MDGA1: variants seen among roughly 807,000 people sequenced by gnomAD.
MDGA1 encodes the protein MAM domain containing glycosylphosphatidylinositol anchor 1, also known as MAM domain-containing glycosylphosphatidylinositol anchor protein 1.
Under a neutral mutation model 101.5 loss-of-function variants are expected in MDGA1, and 54 were observed. The ratio of observed to expected loss-of-function variants is 0.53; its 90% CI spans 0.43 to 0.67. The LOEUF is 0.67. Ranked by LOEUF, MDGA1 falls within the 30% of genes least tolerant of loss-of-function variation. The pLI is 0.00. For missense variants in MDGA1, 1,083 were observed against 1,323.8 expected, an observed-to-expected ratio of 0.82 and a Z score of 2.82; for synonymous variants, 533 against 558.3, an observed-to-expected ratio of 0.95 and a Z score of 0.64.
chr6:37,642,882 G>A (rs1340491992), intron 14 of MDGA1, among the ~76,000 whole-genome samples: 2 of 152,216 alleles, frequency 1.3e-5, no homozygotes, highest in Non-Finnish European at 2.9e-5. Context: ...CTGATACCTG[G>A]AACTGAGCAG....
At chr6:37,647,761 G>A (rs1215072847) in intron 9 of MDGA1, among the ~76,000 whole-genome samples, 2 of 152,072 alleles carry the variant, frequency 1.3e-5, no homozygotes, top group African/African-American at 4.8e-5. Flanking sequence ...GGGAAAGTGT[G>A]GGAGAACAGG....
At position 37,646,272 on chromosome 6, in the gene MDGA1, T is replaced by C. The variant is rs758796375; in HGVS notation, c.2150A>G (p.Tyr717Cys). The C allele has an allele frequency of 1.2e-6, 2 of 1,606,336 alleles. No individual in the cohort carries two copies. The highest frequency in any genetic ancestry group is 1.7e-6 in the Non-Finnish European group (2 of 1,176,040). ...GGTATAGGGTGTGAGGCGGACCTCA[T>C]AGCTGTGGGGCACACGGAGATCGGT... ...ILTDLRVPHSYEVRLTPYTTF... is the reference protein window; with the variant it reads ...ILTDLRVPHSCEVRLTPYTTF... The change falls in exon 11 of 17, where the codon TAT (tyrosine) becomes TGT (cysteine). Residue 717 changes from tyrosine to cysteine, a missense_variant. Tyr to Cys is a radical substitution (Grantham distance 194). Coordinates refer to ENST00000434837, the MANE Select transcript of MDGA1 (RefSeq NM_153487.4).
At chr6:37,677,675 C>T (rs1261293297) in intron 1 of MDGA1, among the ~76,000 whole-genome samples, 1 of 151,932 alleles carries the variant, frequency 6.6e-6, no homozygotes, top group Admixed American at 6.6e-5. Context: ...CATTGGGCTT[C>T]TTTTTTTTCT....
chr6:37,646,294 C>T lies in MDGA1; in HGVS notation c.2128G>A (p.Asp710Asn), dbSNP rs781655737. The change falls in exon 11 of 17, where the codon GAT becomes AAT. Residue 710 changes from aspartate (D) to asparagine (N), a missense_variant. By Grantham distance (23) the Asp-to-Asn change is conservative (BLOSUM62 1). This residue lies in a region of MDGA1 where 657 missense variants were observed against 771.4 expected (regional missense o/e 0.85). Transcript: ENST00000434837. Reference sequence around the variant, plus strand: ...TCATAGCTGTGGGGCACACGGAGATCGGTCAGGATGTACTCCAGCAGCTGC... The same window carrying T: ...TCATAGCTGTGGGGCACACGGAGATTGGTCAGGATGTACTCCAGCAGCTGC... ...KGQLLEYILT[D>N]LRVPHSYEVR... is the part of the protein sequence containing the mutation. 39 of 1,601,014 alleles carry T rather than the reference C, an allele frequency of 2.4e-5. No individual in the cohort carries two copies. The East Asian group carries it at 6.5e-4, about 27-fold the overall frequency.
chr6:37,689,056 C>G (rs1762255729), intron 1 of MDGA1, among the ~76,000 whole-genome samples: 1 of 152,142 alleles, frequency 6.6e-6, no homozygotes, highest in Admixed American at 6.5e-5. Flanking sequence ...GTTTGAGGAG[C>G]CCCACTCTGT....
chr6:37,643,144 G>A (rs1764130951), intron 14 of MDGA1: 2 of 152,316 alleles, frequency 1.3e-5, no homozygotes, highest in African/African-American at 4.8e-5. Flanking sequence ...TCTGGTGGCT[G>A]TGAGGGTTAA....
chr6:37,662,254 G>T (rs1350884575), intron 2 of MDGA1, among the ~76,000 whole-genome samples: 17 of 151,874 alleles, frequency 1.1e-4, no homozygotes, highest in African/African-American at 3.9e-4. Flanking sequence ...CGACAGGACT[G>T]ATAGGCTGAC....
intron 14 of MDGA1, 96 bp downstream of exon 14, chr6:37,643,713 G>A (rs1764147287): frequency 1.3e-6 from 2 of 1,523,792 alleles, no homozygotes. Context: ...GGAAGCTGAG[G>A]CCTCACATGG....
chr6:37,681,018 G>T (rs546790164), intron 1 of MDGA1, among the ~76,000 whole-genome samples: 1 of 151,690 alleles, frequency 6.6e-6, no homozygotes, highest in African/African-American at 2.4e-5. Flanking sequence ...CAGGAAACCT[G>T]GGCAGGACCA....
intron 1 of MDGA1, among the ~76,000 whole-genome samples, chr6:37,678,472 CAT>C (rs1206783410): frequency 2.0e-5 from 3 of 152,124 alleles, no homozygotes; most frequent in Admixed American, 2.0e-4. Flanking sequence ...CAGAGGATCT[CAT>C]CTCTCCTCTG....
At chr6:37,667,969 C>A (rs1761790491) in intron 1 of MDGA1, among the ~76,000 whole-genome samples, 1 of 152,110 alleles carries the variant, frequency 6.6e-6, no homozygotes, top group African/African-American at 2.4e-5. Flanking sequence ...TATCCAGCTC[C>A]TGGCCAGGTG....
At position 37,649,062 on chromosome 6, in the gene MDGA1, A is replaced by T; in HGVS notation, c.1814T>A (p.Val605Glu). Residue 605 changes from valine to glutamate, a missense_variant, in exon 9 of 17, where the codon GTA becomes GAA. Val to Glu is a moderately radical substitution (Grantham distance 121). Around this residue, in one of 3 missense-constraint regions of MDGA1, gnomAD observed 657 missense variants for 771.4 expected, o/e 0.85. Transcript: ENST00000434837. ...PDHAELRLDAVTRDSSGSYEC... is the reference protein window; with the variant it reads ...PDHAELRLDAETRDSSGSYEC... ...GTAGCTGCCGCTGCTGTCGCGAGTT[A>T]CGGCGTCGAGGCGCAGCTCCGCGTG... The T allele has an allele frequency of 6.5e-7, 1 of 1,543,608 alleles. No homozygotes were observed. Among genetic ancestry groups the T allele is most frequent in the Non-Finnish European group, 8.7e-7 (1 of 1,145,088 alleles).
rs118152566 is a variant in MDGA1, at chr6:37,694,218, C to A, written c.67+2527G>T. ...TGCCAGGGCAATACTAGGCTTCCAG[C>A]CTCTTCTCTCTTCTAGGGCTGCAGG... On this transcript the variant is annotated intron_variant, in intron 1 of 16. Transcript: ENST00000434837. Among the ~76,000 whole-genome samples, 325 of 152,324 alleles carry A rather than the reference C, an allele frequency of 2.1e-3. 8 individuals are homozygous for A. In the East Asian group the frequency reaches 0.049, roughly 23 times the overall value.
rs1763978546 is a variant in MDGA1, at chr6:37,638,230, G to A, written c.2751C>T (p.Pro917=). ...DDVTLKKGEC[P]RKQTDPNKVV... ...CTTTATTGGGATCCGTCTGCTTCCG[G>A]GGACACTCCCCCTTCTTCAGTGTGA... The change falls in exon 16 of 17, where the codon CCC becomes CCT. Residue 917 remains proline (P), a synonymous_variant. Coordinates refer to ENST00000434837, the MANE Select transcript of MDGA1 (RefSeq NM_153487.4). This position sits in a 1 kb window ranked among gnomAD's most constrained non-coding sequence, Gnocchi z 4.8. 1.2e-6 allele frequency: 2 copies of A among 1,613,392 alleles called. No homozygotes were observed. The highest frequency in any genetic ancestry group is 1.7e-5 in the Admixed American group (1 of 59,976).
At chr6:37,641,690 A>G (rs1157375524) in intron 14 of MDGA1, 2 of 152,214 alleles carry the variant, frequency 1.3e-5, no homozygotes, top group Non-Finnish European at 2.9e-5. Context: ...AGCCAGTGCT[A>G]AAATTAGGAA....
chr6:37,662,194 T>C (rs950295020), intron 2 of MDGA1, among the ~76,000 whole-genome samples: 1 of 128,734 alleles, frequency 7.8e-6, no homozygotes, highest in African/African-American at 3.0e-5. Flanking sequence ...GGAGGAGGGG[T>C]GAGGTGAGAG....
intron 7 of MDGA1, among the ~76,000 whole-genome samples, chr6:37,651,005 AAAG>A (rs1316070237): frequency 1.3e-5 from 2 of 152,268 alleles, no homozygotes; most frequent in Non-Finnish European, 1.5e-5. Flanking sequence ...TTCCTGCAGA[AAAG>A]AATGCAGAAT....
At chr6:37,662,641 A>T (rs1385641519) in intron 2 of MDGA1, among the ~76,000 whole-genome samples, 1 of 149,480 alleles carries the variant, frequency 6.7e-6, no homozygotes, top group Non-Finnish European at 1.5e-5. Context: ...TCTCAAAAAA[A>T]AAAAAACAAG....
intron 7 of MDGA1, 88 bp downstream of exon 7, chr6:37,651,922 CT>C: frequency 8.5e-7 from 1 of 1,174,708 alleles, no homozygotes; most frequent in South Asian, 1.6e-5. Context: ...TCTGGCTTCC[CT>C]TTCCCAAGCC....
Sources: gnomAD v4.1 joint callset for allele counts (sites outside exome capture counted in the v4.1 genomes callset) on GRCh38, gnomAD v4.1.1 for gene constraint, gnomAD v4.1.1 regional missense constraint, Gnocchi (gnomAD v3.1) non-coding constraint, MANE v1.5 for transcripts, NCBI Gene and HGNC (gene_info 2026-07-23, HGNC 2026-07-21) for gene names.